COL1A2: variants seen among roughly 807,000 people sequenced by gnomAD.
COL1A2 encodes the protein collagen alpha-2(I) chain.
A neutral mutation model predicts 174.3 loss-of-function variants in COL1A2; 49 were observed. The ratio of observed to expected loss-of-function variants is 0.28; its 90% confidence interval spans 0.22 to 0.36. The LOEUF (loss-of-function observed/expected upper bound fraction) is 0.36. Ranked by LOEUF, COL1A2 falls within the 10% of genes least tolerant of loss-of-function variation. The pLI, the probability that COL1A2 is intolerant of heterozygous loss-of-function variation, is 1.00. For synonymous variants in COL1A2, 655 were observed against 606.6 expected, an observed-to-expected ratio of 1.08 and a Z score of -1.17; for missense variants, 1,438 against 1,822.7, an observed-to-expected ratio of 0.79 and a Z score of 3.84.
rs1474317692 is a variant in COL1A2 at position 94,412,052 on chromosome 7, C to T, written c.1351-16C>T. The T allele has an allele frequency of 6.2e-7, 1 of 1,605,590 alleles. No homozygotes were observed. Among genetic ancestry groups the T allele is most frequent in the Non-Finnish European group, 8.5e-7 (1 of 1,173,964 alleles). Reference sequence around the variant, plus strand: ...GTTAAAGTGCCAATATAAAAACATCCTCATTTATTTTATAGGGTCTTCCTG... The same window carrying T: ...GTTAAAGTGCCAATATAAAAACATCTTCATTTATTTTATAGGGTCTTCCTG... On this transcript the variant is annotated splice_polypyrimidine_tract_variant and intron_variant, in intron 23 of 51. Transcript: ENST00000297268.
intron 30 of COL1A2, 86 bp downstream of exon 30, chr7:94,415,356 C>G (rs41317159): frequency 1.8e-6 from 2 of 1,140,772 alleles, no homozygotes; most frequent in Non-Finnish European, 2.7e-6. Flanking sequence ...CACTGATGAC[C>G]CTGCAACAAG....
rs1202750693 is a variant in COL1A2, at chr7:94,410,426, G to A, written c.1096G>A (p.Ala366Thr). ...TGTTCTTTTCATTAAACAGGGCTCT[G>A]CTGGGCCCCAAGGTCCTCCTGGTCC... Reference protein sequence around the residue: ...ESGNKGEPGSAGPQGPPGPSG... With the variant: ...ESGNKGEPGSTGPQGPPGPSG... The change falls in exon 21 of 52, where the codon GCT becomes ACT. Residue 366 changes from alanine (A) to threonine (T), a missense_variant. Physicochemically the swap from Ala to Thr is moderately conservative, Grantham distance 58. Coordinates refer to ENST00000297268, the MANE Select transcript of COL1A2 (RefSeq NM_000089.4). The A allele has an allele frequency of 6.4e-7, 1 of 1,551,890 alleles. No homozygotes were observed. Among genetic ancestry groups the A allele is most frequent in the Non-Finnish European group, 8.7e-7 (1 of 1,147,494 alleles).
chr7:94,415,796 T>C (rs1163896430), intron 30 of COL1A2, among the ~76,000 whole-genome samples: 1 of 152,186 alleles, frequency 6.6e-6, no homozygotes, highest in Non-Finnish European at 1.5e-5. Flanking sequence ...ACAAGGTCCT[T>C]TGAAACAGTT....
chr7:94,405,162 C>A, intron 9 of COL1A2, 37 bp from the exon 10 acceptor site: 1 of 1,609,774 alleles, frequency 6.2e-7, no homozygotes, highest in Non-Finnish European at 8.5e-7. Flanking sequence ...GATAGTTTAC[C>A]AAGAAGAAGT....
At chr7:94,409,844 C>G (rs747722931) in intron 19 of COL1A2, 23 bp downstream of exon 19, 2 of 1,604,778 alleles carry the variant, frequency 1.2e-6, no homozygotes, top group Non-Finnish European at 1.7e-6. Context: ...GACTGTGGTT[C>G]TCATCATCCT....
At chr7:94,403,537 C>G (rs1791732235) in intron 6 of COL1A2, among the ~76,000 whole-genome samples, 1 of 151,964 alleles carries the variant, frequency 6.6e-6, no homozygotes, top group Non-Finnish European at 1.5e-5. Flanking sequence ...TTAATGTATG[C>G]CTAAAAAGCT....
intron 23 of COL1A2, 60 bp from the exon 24 acceptor site, chr7:94,412,008 C>A: frequency 1.4e-6 from 2 of 1,438,346 alleles, no homozygotes; most frequent in Non-Finnish European, 1.9e-6. Context: ...TTCAGTTAAT[C>A]TAAGGCTTGA....
intron 6 of COL1A2, among the ~76,000 whole-genome samples, chr7:94,402,195 G>T (rs1791702204): frequency 1.3e-5 from 2 of 152,000 alleles, no homozygotes; most frequent in African/African-American, 4.8e-5. Context: ...TTACATCATG[G>T]TTTATGTACC....
chr7:94,424,685 G>C, intron 41 of COL1A2: 1 of 538,568 alleles, frequency 1.9e-6, no homozygotes, highest in East Asian at 3.3e-5. Flanking sequence ...ACGCACTTAG[G>C]AATGATACAA....
At chr7:94,419,611 C>A in intron 34 of COL1A2, 60 bp downstream of exon 34, 2 of 1,565,866 alleles carry the variant, frequency 1.3e-6, no homozygotes, top group Non-Finnish European at 1.8e-6. Context: ...CTTCCCTAGT[C>A]CCAAAGAGCC....
At position 94,416,413 on chromosome 7, in the gene COL1A2, C is replaced by G; in HGVS notation, c.1773C>G (p.Arg591=). 1 of 1,574,650 alleles carries G rather than the reference C, an allele frequency of 6.4e-7. No individual in the cohort carries two copies. Among genetic ancestry groups the G allele is most frequent in the Non-Finnish European group, 8.6e-7 (1 of 1,158,988 alleles). The part of the protein sequence containing the change: ...LPGPAGPRGE[R]GPPGESGAAG... ...CTAATCACTTTTTTCAGGGGGAACG[C>G]GGTCCCCCAGGTGAGAGTGGTGCTG... Residue 591 remains arginine, a synonymous_variant, in exon 31 of 52, where the codon CGC becomes CGG. Transcript: ENST00000297268.
intron 16 of COL1A2, 99 bp downstream of exon 16, chr7:94,408,922 C>A: frequency 8.8e-7 from 1 of 1,133,040 alleles, no homozygotes; most frequent in Non-Finnish European, 1.3e-6. Context: ...AATTACGAAA[C>A]AGTTACCTTA....
At chr7:94,398,940 T>A in intron 3 of COL1A2, 109 bp from the exon 4 acceptor site, 2 of 999,728 alleles carry the variant, frequency 2.0e-6, no homozygotes, top group Non-Finnish European at 3.2e-6. Flanking sequence ...CTAATAACAT[T>A]GTAGTTACAT....
intron 3 of COL1A2, 149 bp downstream of exon 3, chr7:94,398,545 T>C (rs1348632012): frequency 8.9e-6 from 3 of 335,388 alleles, no homozygotes; most frequent in Non-Finnish European, 1.1e-5. Context: ...ATAAAGTAGC[T>C]TTGATGTTTA....
Position 94,425,636 on chromosome 7 carries a change from A to C in COL1A2, c.2808A>C (p.Pro936=). ...GCAACCCTGGGAACGATGGTCCCCC[A>C]GGTCGCGATGGTCAACCCGGACACA... ...RDGNPGNDGP[P]GRDGQPGHKG... is the part of the protein sequence containing the mutation. The change falls in exon 43 of 52, where the codon CCA becomes CCC. Residue 936 remains proline, a synonymous_variant. Coordinates refer to ENST00000297268, the MANE Select transcript of COL1A2 (RefSeq NM_000089.4). The C allele has an allele frequency of 6.2e-7, 1 of 1,614,184 alleles. No homozygotes were observed. The highest frequency in any genetic ancestry group is 8.5e-7 in the Non-Finnish European group (1 of 1,180,012).
intron 51 of COL1A2, 63 bp downstream of exon 51, chr7:94,429,493 A>AC (rs1419834759): frequency 6.3e-7 from 1 of 1,595,210 alleles, no homozygotes; most frequent in African/African-American, 1.3e-5. Flanking sequence ...TCTAACTTAG[A>AC]CTGCCCCCAA....
chr7:94,420,338 C>T (rs559162499), intron 35 of COL1A2, 52 bp downstream of exon 35: 1 of 1,614,032 alleles, frequency 6.2e-7, no homozygotes, highest in Non-Finnish European at 8.5e-7. Flanking sequence ...AATGTTTAGA[C>T]ATTGATGAAC....
chr7:94,400,042 T>A, intron 4 of COL1A2, 154 bp from the exon 5 acceptor site: 2 of 797,916 alleles, frequency 2.5e-6, no homozygotes, highest in South Asian at 1.3e-5. Flanking sequence ...TAAAATAGAC[T>A]CATAAGTGAA....
rs902341911 is a variant in COL1A2, at chr7:94,426,854, A to T, written c.3106-154A>T. The T allele has an allele frequency of 3.3e-5, 23 of 705,694 alleles. No homozygotes were observed. The African/African-American group carries it at 3.6e-4, about 11-fold the overall frequency. 43.7% of individuals were successfully genotyped at this position (705,694 alleles called of 1,614,324 possible). On this transcript the variant is annotated intron_variant, in intron 46 of 51. Coordinates refer to ENST00000297268, the MANE Select transcript of COL1A2 (RefSeq NM_000089.4). The stretch of plus-strand genomic sequence containing the variant: ...GTGAAAAAAAAATTGAATATAATAG[A>T]CATAATGGGAGAAAAGAGCCCCACT...
Sources: gnomAD v4.1 joint callset for allele counts (sites outside exome capture counted in the v4.1 genomes callset) on GRCh38, gnomAD v4.1.1 for gene constraint, MANE v1.5 for transcripts, NCBI Gene and HGNC (gene_info 2026-07-23, HGNC 2026-07-21) for gene names.